The following LDLRAD4 variants were observed in gnomAD, a reference collection of about 807,000 sequenced individuals.
LDLRAD4 encodes low-density lipoprotein receptor class A domain-containing protein 4.
LDLRAD4 carries 5 observed loss-of-function variants against 17.0 expected under a neutral mutation model. That is an observed-to-expected ratio of 0.29 (90% confidence interval 0.15 to 0.62). The LOEUF (loss-of-function observed/expected upper bound fraction) is 0.62, where lower values mean the gene tolerates loss of function less well. LDLRAD4 is among the 20% of genes least tolerant of loss of function. The pLI is 0.84. For synonymous variants in LDLRAD4, 168 were observed against 171.8 expected (o/e 0.98, Z 0.17); for missense variants, 340 against 424.7 (o/e 0.80, Z 1.75).
chr18:13,542,043 T>G (rs2094291355), intron 3 of LDLRAD4, among the ~76,000 whole-genome samples: 2 of 152,140 alleles, frequency 1.3e-5, no homozygotes, highest in Non-Finnish European at 2.9e-5. Context: ...GCCACCGCAC[T>G]CCAGCCCTGG....
chr18:13,331,533 G>A (rs2081866671), intron 1 of LDLRAD4, among the ~76,000 whole-genome samples: 1 of 152,188 alleles, frequency 6.6e-6, no homozygotes, highest in Non-Finnish European at 1.5e-5. Flanking sequence ...GTTAAAATAC[G>A]GTGGTGATGG....
intron 1 of LDLRAD4, among the ~76,000 whole-genome samples, chr18:13,324,901 T>G (rs1306026402): frequency 6.6e-6 from 1 of 152,174 alleles, no homozygotes; most frequent in South Asian, 2.1e-4. Flanking sequence ...TGATTTTCGC[T>G]CACTGAATAC....
chr18:13,292,668 C>T (rs2046031410), intron 1 of LDLRAD4, among the ~76,000 whole-genome samples: 2 of 152,136 alleles, frequency 1.3e-5, no homozygotes, highest in African/African-American at 4.8e-5. Context: ...TACCATGAGG[C>T]GTGGAAAGAT....
intron 3 of LDLRAD4, among the ~76,000 whole-genome samples, chr18:13,448,168 G>A (rs1207920399): frequency 6.6e-6 from 1 of 152,204 alleles, no homozygotes; most frequent in Admixed American, 6.5e-5. Flanking sequence ...TCAGACCCAG[G>A]CTTCAAAGGC....
chr18:13,355,592 A>G (rs1311978383), intron 1 of LDLRAD4, among the ~76,000 whole-genome samples: 1 of 152,218 alleles, frequency 6.6e-6, no homozygotes, highest in Non-Finnish European at 1.5e-5. Flanking sequence ...TGTTATGCTG[A>G]AATCGCTTTG....
intron 1 of LDLRAD4, among the ~76,000 whole-genome samples, chr18:13,336,735 T>A (rs577947551): frequency 1.6e-4 from 24 of 152,236 alleles, no homozygotes; most frequent in Admixed American, 2.0e-4. Flanking sequence ...TTTCTCACTA[T>A]TTTTTCCTTG....
At chr18:13,280,591 C>A (rs375228157) in intron 1 of LDLRAD4, among the ~76,000 whole-genome samples, 1 of 152,132 alleles carries the variant, frequency 6.6e-6, no homozygotes, top group Non-Finnish European at 1.5e-5. Flanking sequence ...GTGCTGCTGA[C>A]GTGATTAAGC....
intron 2 of LDLRAD4, among the ~76,000 whole-genome samples, chr18:13,408,864 C>G (rs1446078909): frequency 6.6e-6 from 1 of 151,830 alleles, no homozygotes; most frequent in Non-Finnish European, 1.5e-5. Context: ...TTTCTTCCTT[C>G]TTTTTTTGCT....
intron 1 of LDLRAD4, among the ~76,000 whole-genome samples, chr18:13,321,093 A>G (rs2081191078): frequency 6.6e-6 from 1 of 152,182 alleles, no homozygotes; most frequent in Admixed American, 6.5e-5. Flanking sequence ...GGCAGCAAGC[A>G]GAGGTGGTTA....
intron 1 of LDLRAD4, among the ~76,000 whole-genome samples, chr18:13,297,986 T>C (rs2046364823): frequency 6.6e-6 from 1 of 152,098 alleles, no homozygotes; most frequent in East Asian, 1.9e-4. Flanking sequence ...GGAAGATGCA[T>C]GGGGCATGCA....
chr18:13,251,340 C>G (rs1317599229), intron 1 of LDLRAD4, among the ~76,000 whole-genome samples: 2 of 152,186 alleles, frequency 1.3e-5, no homozygotes, highest in African/African-American at 4.8e-5. Context: ...CCCATTCTCA[C>G]CACTCCTATT....
At chr18:13,408,091 A>C (rs2145641063) in intron 2 of LDLRAD4, among the ~76,000 whole-genome samples, 1 of 152,334 alleles carries the variant, frequency 6.6e-6, no homozygotes, top group African/African-American at 2.4e-5. Flanking sequence ...TGAAATATGA[A>C]GTCCAGGCAC....
intron 2 of LDLRAD4, among the ~76,000 whole-genome samples, chr18:13,417,941 G>C (rs1304423001): frequency 6.6e-6 from 1 of 152,160 alleles, no homozygotes; most frequent in Non-Finnish European, 1.5e-5. Flanking sequence ...CTGGGCACAG[G>C]TTTCTATTGG....
chr18:13,567,489 A>G (rs1219783434), intron 3 of LDLRAD4, among the ~76,000 whole-genome samples: 2 of 151,868 alleles, frequency 1.3e-5, no homozygotes, highest in Admixed American at 1.3e-4. Context: ...ACGCTTTTGC[A>G]GAAGACCCAG....
intron 3 of LDLRAD4, among the ~76,000 whole-genome samples, chr18:13,449,343 G>A (rs1482323470): frequency 6.6e-6 from 1 of 152,252 alleles, no homozygotes; most frequent in Non-Finnish European, 1.5e-5. Context: ...GGGATGGCCT[G>A]TAGGGAAGGG....
chr18:13,248,440 A>G (rs1281120371), intron 1 of LDLRAD4, among the ~76,000 whole-genome samples: 1 of 152,192 alleles, frequency 6.6e-6, no homozygotes, highest in African/African-American at 2.4e-5. Flanking sequence ...GTGCCTGTGC[A>G]GGTTATTGGC....
intron 4 of LDLRAD4, chr18:13,641,678 G>A: frequency 1.2e-6 from 1 of 869,278 alleles, no homozygotes; most frequent in Non-Finnish European, 1.4e-6. Flanking sequence ...CGCGCCTCTG[G>A]CGGTTTCCTG....
At chr18:13,619,487 TG>T (rs1445448953) in intron 3 of LDLRAD4, among the ~76,000 whole-genome samples, 1 of 4,046 alleles carries the variant, frequency 2.5e-4, no homozygotes, top group African/African-American at 5.5e-3. Context: ...GGAGCGTTTT[TG>T]TGTGTGTGTG....
chr18:13,541,462 C>T (rs1006214885), intron 3 of LDLRAD4, among the ~76,000 whole-genome samples: 7 of 152,092 alleles, frequency 4.6e-5, no homozygotes, highest in East Asian at 1.9e-4. Context: ...GTGTGTGTAC[C>T]GAGATTACTG....
Sources: gnomAD v4.1 joint callset for allele counts (sites outside exome capture counted in the v4.1 genomes callset) on GRCh38, gnomAD v4.1.1 for gene constraint, MANE v1.5 for transcripts, NCBI Gene and HGNC (gene_info 2026-07-23, HGNC 2026-07-21) for gene names.